CST9L: variants seen among roughly 807,000 people sequenced by gnomAD.
CST9L encodes the protein cystatin 9 like, also known as cystatin-9-like.
In CST9L, 17 loss-of-function variants were observed where a neutral mutation model predicts 13.2. That is an observed-to-expected ratio of 1.29 (90% CI 0.88 to 1.93). The LOEUF (loss-of-function observed/expected upper bound fraction) is 1.93, where lower values mean the gene tolerates loss of function less well. Ranked by LOEUF, CST9L falls within the 30% of genes most tolerant of loss-of-function variation. CST9L has a pLI of 0.00. For missense variants in CST9L, 170 were observed against 170.5 expected (o/e 1.00, Z 0.02); for synonymous variants, 78 against 69.1 (o/e 1.13, Z -0.64).
At chr20:23,565,372 C>A (rs1050759555) in intron 2 of CST9L, among the ~76,000 whole-genome samples, 1 of 152,192 alleles carries the variant, frequency 6.6e-6, no homozygotes, top group Non-Finnish European at 1.5e-5. Flanking sequence ...AAGCAGTTCC[C>A]AGATTTAAGC....
Position 23,566,673 on chromosome 20 carries a change from C to T in CST9L, c.241-586G>A, listed in dbSNP as rs551352747. ...GGCTGGGGTGGGTGAATAATGAGGT[C>T]GGGAGTTCGAGACCAGCCTGGCCAA... On this transcript the variant is annotated intron_variant, in intron 1 of 2. Coordinates refer to ENST00000376979, the MANE Select transcript of CST9L (RefSeq NM_080610.3). 2.6e-3 allele frequency among the ~76,000 whole-genome samples: 396 copies of T among 152,128 alleles called. 1 individual carries two copies. The highest frequency in any genetic ancestry group is 8.3e-3 in the South Asian group (40 of 4,808).
Position 23,567,376 on chromosome 20 carries a change from C to T in CST9L, c.240+835G>A, listed in dbSNP as rs138944762. On this transcript the variant is annotated intron_variant, in intron 1 of 2. Transcript: ENST00000376979. The stretch of plus-strand genomic sequence containing the variant: ...TACAAAAAATTAACCAGGCATCTGG[C>T]GGGTGCCTGTAATCCCAGTTATTTG... Among the ~76,000 whole-genome samples the T allele has an allele frequency of 9.3e-4, 142 of 151,958 alleles. 1 individual carries two copies. In the East Asian group the frequency reaches 0.026, roughly 28 times the overall value.
chr20:23,568,177 A>G (rs1175443632), intron 1 of CST9L, 34 bp downstream of exon 1: 1 of 1,613,338 alleles, frequency 6.2e-7, no homozygotes, highest in Non-Finnish European at 8.5e-7. Context: ...AGCACATGCC[A>G]GATGCCAGGG....
Position 23,568,289 on chromosome 20 carries a change from A to G in CST9L, c.162T>C (p.Ala54=). Residue 54 remains alanine, a synonymous_variant, in exon 1 of 3, where the codon GCT becomes GCC. Coordinates refer to ENST00000376979, the MANE Select transcript of CST9L (RefSeq NM_080610.3). Reference sequence around the variant, plus strand: ...TGCTCTGTTGGTTGAATGTGTGGACAGCAAACTCCACTGTGGCAGGGAGGT... The same window carrying G: ...TGCTCTGTTGGTTGAATGTGTGGACGGCAAACTCCACTGTGGCAGGGAGGT... ...ARYLPATVEF[A]VHTFNQQSKD... 6.2e-7 allele frequency: 1 copy of G among 1,614,188 alleles called. No individual in the cohort carries two copies. Among genetic ancestry groups the G allele is most frequent in the Non-Finnish European group, 8.5e-7 (1 of 1,180,026 alleles).
chr20:23,564,886 G>C lies in CST9L; in HGVS notation c.*62C>G. On this transcript the variant is annotated 3_prime_UTR_variant, in exon 3 of 3. Transcript: ENST00000376979. ...CAGCCACTGAAGAGTCCTCAGGAGAGTAGTGCTGATGTCCACGGAATGTGG... is the reference window on the plus strand; with the variant it reads ...CAGCCACTGAAGAGTCCTCAGGAGACTAGTGCTGATGTCCACGGAATGTGG... 1 of 1,134,920 alleles carries C rather than the reference G, an allele frequency of 8.8e-7. No individual in the cohort carries two copies. The highest frequency in any genetic ancestry group is 1.2e-5 in the South Asian group (1 of 81,646). The allele number at this position is 1,134,920 out of a possible 1,614,324, so 70.3% of individuals were successfully genotyped here. A position where few individuals can be genotyped will look rare whatever the true frequency, so the allele number is the denominator to read the frequency against.
Position 23,568,198 on chromosome 20 carries a change from C to G in CST9L, c.240+13G>C, listed in dbSNP as rs749278295. ...TGCCAGATGCCAGGGCAGGAGGGTA[C>G]GTGGTCACCAACCTGCTCCTTCCAG... On this transcript the variant is annotated intron_variant, in intron 1 of 2. Transcript: ENST00000376979. The G allele has an allele frequency of 1.2e-6, 2 of 1,613,988 alleles. No homozygotes were observed. The highest frequency in any genetic ancestry group is 1.3e-5 in the African/African-American group (1 of 75,020).
In CST9L at chr20:23,564,930, C is replaced by G. The variant is rs1406252200; in HGVS notation, c.*18G>C. On this transcript the variant is annotated 3_prime_UTR_variant, in exon 3 of 3. Transcript: ENST00000376979. ...AATGTGGGAGCAGCACATGGACAAG[C>G]CTGTGAGTGGGTTTCACTCAGTGGA... is the stretch of plus-strand genomic sequence containing the variant. 3.2e-6 allele frequency: 5 copies of G among 1,576,810 alleles called. No homozygotes were observed. Among genetic ancestry groups the G allele is most frequent in the African/African-American group, 2.7e-5 (2 of 74,114 alleles).
At chr20:23,566,811 C>T (rs576623039) in intron 1 of CST9L, among the ~76,000 whole-genome samples, 1 of 152,174 alleles carries the variant, frequency 6.6e-6, no homozygotes, top group African/African-American at 2.4e-5. Context: ...TTGTTTGAAC[C>T]CGGGAGGCAG....
intron 2 of CST9L, 148 bp from the exon 3 acceptor site, chr20:23,565,185 C>G: frequency 1.5e-6 from 1 of 667,018 alleles, no homozygotes; most frequent in Admixed American, 2.1e-5. Context: ...ATGTGCTGCC[C>G]CCAAGCCTGA....
At chr20:23,565,352 G>A (rs1474432455) in intron 2 of CST9L, among the ~76,000 whole-genome samples, 2 of 152,194 alleles carry the variant, frequency 1.3e-5, no homozygotes, top group Admixed American at 6.5e-5. Flanking sequence ...AGAATGCATT[G>A]TCCCAGTGGA....
Position 23,564,896 on chromosome 20 carries a change from T to C in CST9L, c.*52A>G. On this transcript the variant is annotated 3_prime_UTR_variant, in exon 3 of 3. Transcript: ENST00000376979. Reference sequence around the variant, plus strand: ...AGAGTCCTCAGGAGAGTAGTGCTGATGTCCACGGAATGTGGGAGCAGCACA... The same window carrying C: ...AGAGTCCTCAGGAGAGTAGTGCTGACGTCCACGGAATGTGGGAGCAGCACA... 7.9e-7 allele frequency: 1 copy of C among 1,260,186 alleles called. No individual in the cohort carries two copies. The highest frequency in any genetic ancestry group is 1.7e-5 in the Admixed American group (1 of 59,568). 78.1% of individuals were successfully genotyped at this position (1,260,186 alleles called of 1,614,324 possible). A position where few individuals can be genotyped will look rare whatever the true frequency, so the allele number is the denominator to read the frequency against.
Position 23,568,392 on chromosome 20 carries a change from C to T in CST9L, c.59G>A (p.Gly20Asp). The change falls in exon 1 of 3, where the codon GGC becomes GAC. Residue 20 changes from glycine to aspartate, a missense_variant. Gly to Asp is a moderately conservative substitution (Grantham distance 94, BLOSUM62 -1). Coordinates refer to ENST00000376979, the MANE Select transcript of CST9L (RefSeq NM_080610.3). ...GGCATAGATCAGCAGGATCTGGGAG[C>T]CTAAGAGAAGCAGCAGCAGCGCCCA... ...LSWALLLLLL[G>D]SQILLIYAWH... 1 of 1,614,162 alleles carries T rather than the reference C, an allele frequency of 6.2e-7. No homozygotes were observed. Among genetic ancestry groups the T allele is most frequent in the Non-Finnish European group, 8.5e-7 (1 of 1,180,022 alleles).
intron 1 of CST9L, among the ~76,000 whole-genome samples, 167 bp from the exon 2 acceptor site, chr20:23,566,254 A>G (rs544300422): frequency 6.6e-6 from 1 of 152,336 alleles, no homozygotes; most frequent in East Asian, 1.9e-4. Flanking sequence ...GCAGTTAAGA[A>G]CAAAAAGCGG....
chr20:23,564,892 C>T lies in CST9L; in HGVS notation c.*56G>A. The T allele has an allele frequency of 1.6e-6, 2 of 1,229,830 alleles. No homozygotes were observed. The highest frequency in any genetic ancestry group is 2.4e-6 in the Non-Finnish European group (2 of 829,018). 76.2% of individuals were successfully genotyped at this position (1,229,830 alleles called of 1,614,324 possible). On this transcript the variant is annotated 3_prime_UTR_variant, in exon 3 of 3. Coordinates refer to ENST00000376979, the MANE Select transcript of CST9L (RefSeq NM_080610.3). ...CTGAAGAGTCCTCAGGAGAGTAGTG[C>T]TGATGTCCACGGAATGTGGGAGCAG...
At chr20:23,565,544 A>T (rs567075180) in intron 2 of CST9L, among the ~76,000 whole-genome samples, 56 of 152,194 alleles carry the variant, frequency 3.7e-4, no homozygotes, top group African/African-American at 1.3e-3. Flanking sequence ...CTCAGCCTCT[A>T]CCACTTTTGG....
Position 23,564,759 on chromosome 20 carries a change from C to CTA in CST9L, c.*187_*188dup. 1 of 585,024 alleles carries CTA rather than the reference C, an allele frequency of 1.7e-6. No individual in the cohort carries two copies. Among genetic ancestry groups the CTA allele is most frequent in the Non-Finnish European group, 3.1e-6 (1 of 325,422 alleles). The allele number at this position is 585,024 out of a possible 1,614,324, so 36.2% of individuals were successfully genotyped here. A position where few individuals can be genotyped will look rare whatever the true frequency, so the allele number is the denominator to read the frequency against. ...TCTTAAAATGCTGATGTTTAATGAT[C>CTA]TACACTACATGATTAGGCTCAAGAT... On this transcript the variant is annotated 3_prime_UTR_variant, in exon 3 of 3. Coordinates refer to ENST00000376979, the MANE Select transcript of CST9L (RefSeq NM_080610.3).
intron 2 of CST9L, 122 bp from the exon 3 acceptor site, chr20:23,565,159 G>T: frequency 8.2e-6 from 6 of 729,530 alleles, no homozygotes; most frequent in South Asian, 7.6e-5. Flanking sequence ...GTGGGAAGAC[G>T]GGGCCTCTGG....
intron 2 of CST9L, among the ~76,000 whole-genome samples, chr20:23,565,695 G>C (rs934951687): frequency 2.0e-5 from 3 of 152,202 alleles, no homozygotes; most frequent in African/African-American, 4.8e-5. Flanking sequence ...GGGACCCCAG[G>C]GGGAAAGAGC....
intron 1 of CST9L, among the ~76,000 whole-genome samples, chr20:23,567,663 G>T (rs2405388): frequency 6.6e-6 from 1 of 151,616 alleles, no homozygotes; most frequent in Non-Finnish European, 1.5e-5. Context: ...GGAAGAGTGT[G>T]AAACAGTCTT....
Sources: gnomAD v4.1 joint callset for allele counts (sites outside exome capture counted in the v4.1 genomes callset) on GRCh38, gnomAD v4.1.1 for gene constraint, MANE v1.5 for transcripts, NCBI Gene and HGNC (gene_info 2026-07-23, HGNC 2026-07-21) for gene names.